AQP8: variants seen among roughly 807,000 people sequenced by gnomAD.
AQP8 encodes the protein aquaporin-8.
Under a neutral mutation model 26.1 loss-of-function variants are expected in AQP8, and 14 were observed. The ratio of observed to expected loss-of-function variants is 0.54; its 90% CI spans 0.35 to 0.84. The LOEUF (loss-of-function observed/expected upper bound fraction) is 0.84, where lower values mean the gene tolerates loss of function less well. Among genes scored for constraint, AQP8 ranks in the 40% least tolerant of loss-of-function variants. The pLI is 0.01. For missense variants in AQP8, 301 were observed against 340.5 expected (o/e 0.88, Z 0.91); for synonymous variants, 131 against 150.7 (o/e 0.87, Z 0.96).
Position 25,227,231 on chromosome 16 carries a change from C to T in AQP8, c.737+29C>T, listed in dbSNP as rs748860285. 6 of 1,613,214 alleles carry T rather than the reference C, an allele frequency of 3.7e-6. No homozygotes were observed. In the South Asian group the frequency reaches 6.6e-5, roughly 18 times the overall value. On this transcript the variant is annotated intron_variant, in intron 5 of 5. Transcript: ENST00000219660. ...GGAGTGTGACACAGGGTCACCGGCC[C>T]ATTGGATGGGCACTTGGCAACATCT...
At chr16:25,226,864 C>T (rs1199546941) in intron 4 of AQP8, among the ~76,000 whole-genome samples, 1 of 152,170 alleles carries the variant, frequency 6.6e-6, no homozygotes, top group Non-Finnish European at 1.5e-5. Flanking sequence ...TGCTGGACTG[C>T]ACGCCCAGCG....
chr16:25,221,968 A>G (rs1962568541), intron 3 of AQP8, among the ~76,000 whole-genome samples: 1 of 151,974 alleles, frequency 6.6e-6, no homozygotes, highest in Non-Finnish European at 1.5e-5. Context: ...GGGTTTCATC[A>G]TGTTGGCCAG....
At chr16:25,221,620 C>T (rs1243240107) in intron 3 of AQP8, 37 bp downstream of exon 3, 2 of 1,611,770 alleles carry the variant, frequency 1.2e-6, no homozygotes, top group Admixed American at 1.7e-5. Context: ...GTCTTCCTCT[C>T]TGATGGGGCT....
At chr16:25,228,402 C>T (rs1242004045) in intron 5 of AQP8, 42 bp from the exon 6 acceptor site, 1 of 1,608,364 alleles carries the variant, frequency 6.2e-7, no homozygotes, top group East Asian at 2.2e-5. Context: ...GGCTGGGTCT[C>T]ACCTCCGGGG....
At chr16:25,217,781 G>A (rs1962508680) in intron 2 of AQP8, among the ~76,000 whole-genome samples, 1 of 152,268 alleles carries the variant, frequency 6.6e-6, no homozygotes, top group South Asian at 2.1e-4. Flanking sequence ...TCCTGCCTTG[G>A]CTTCCCAAAG....
chr16:25,217,133 T>C lies in AQP8; in HGVS notation c.13-65T>C, dbSNP rs1180121343. On this transcript the variant is annotated intron_variant, in intron 1 of 5. Transcript: ENST00000219660. Reference sequence around the variant, plus strand: ...CTGTGAATTAATTCAAGGTTGGGGGTCGGGGCCTTCTATATCTGGACTTGC... The same window carrying C: ...CTGTGAATTAATTCAAGGTTGGGGGCCGGGGCCTTCTATATCTGGACTTGC... 5.6e-6 allele frequency: 9 copies of C among 1,613,002 alleles called. No homozygotes were observed. The Admixed American group carries it at 1.3e-4, about 24-fold the overall frequency.
chr16:25,225,785 G>A (rs1024745950), intron 4 of AQP8, among the ~76,000 whole-genome samples: 2 of 152,176 alleles, frequency 1.3e-5, no homozygotes, highest in Non-Finnish European at 2.9e-5. Context: ...GAGAGAATGG[G>A]GTAAAGACAG....
In AQP8 at chr16:25,225,994, C is replaced by T. The variant is rs554935094; in HGVS notation, c.603-1074C>T. 2.5e-4 allele frequency among the ~76,000 whole-genome samples: 38 copies of T among 152,336 alleles called. 1 individual carries two copies. The Middle Eastern group carries it at 0.01, about 41-fold the overall frequency. On this transcript the variant is annotated intron_variant, in intron 4 of 5. Coordinates refer to ENST00000219660, the MANE Select transcript of AQP8 (RefSeq NM_001169.3). ...TGACAACCTATGGGATAGTCACTTT[C>T]ACCTCACCTGAACACAGAGAGGTTC...
In AQP8 at chr16:25,228,577, TGCCAGGGCAGAG is replaced by T; in HGVS notation, c.*89_*100del. The T allele has an allele frequency of 6.7e-7, 1 of 1,492,102 alleles. No individual in the cohort carries two copies. Among genetic ancestry groups the T allele is most frequent in the Non-Finnish European group, 9.3e-7 (1 of 1,073,512 alleles). The allele number at this position is 1,492,102 out of a possible 1,614,324, so 92.4% of individuals were successfully genotyped here. ...AGGACAGGGGAGTTCCTGCATTTCC[TGCCAGGGCAGAG>T]GCCCAGAGGAGCGACCCCCTGCTTC... On this transcript the variant is annotated 3_prime_UTR_variant, in exon 6 of 6. Coordinates refer to ENST00000219660, the MANE Select transcript of AQP8 (RefSeq NM_001169.3).
At chr16:25,223,516 A>G (rs1464386006) in intron 3 of AQP8, among the ~76,000 whole-genome samples, 1 of 151,346 alleles carries the variant, frequency 6.6e-6, no homozygotes, top group African/African-American at 2.4e-5. Context: ...CCTGGGCAAC[A>G]TAGTAAGACC....
chr16:25,228,432 T>C lies in AQP8; in HGVS notation c.738-12T>C. On this transcript the variant is annotated splice_polypyrimidine_tract_variant and intron_variant, in intron 5 of 5. Coordinates refer to ENST00000219660, the MANE Select transcript of AQP8 (RefSeq NM_001169.3). ...CCGGGGCAGAGACCTTACTGGGTCATCTTTCTTGCAGGTGCTTCATTGGAG... is the reference window on the plus strand; with the variant it reads ...CCGGGGCAGAGACCTTACTGGGTCACCTTTCTTGCAGGTGCTTCATTGGAG... 2 of 1,613,862 alleles carry C rather than the reference T, an allele frequency of 1.2e-6. No individual in the cohort carries two copies. The highest frequency in any genetic ancestry group is 1.7e-6 in the Non-Finnish European group (2 of 1,179,858).
At chr16:25,221,335 G>A in intron 2 of AQP8, 122 bp from the exon 3 acceptor site, 2 of 1,215,806 alleles carry the variant, frequency 1.6e-6, no homozygotes, top group East Asian at 4.7e-5. Flanking sequence ...TTTGAGCTGG[G>A]CCCCGGACTG....
At chr16:25,225,233 G>A (rs1057380376) in intron 4 of AQP8, among the ~76,000 whole-genome samples, 2 of 152,126 alleles carry the variant, frequency 1.3e-5, no homozygotes, top group East Asian at 1.9e-4. Context: ...ATCCTCCTGC[G>A]TTGGCCTCTC....
rs547860761 is a variant in AQP8, at chr16:25,223,063, C to T, written c.388-1299C>T. Among the ~76,000 whole-genome samples the T allele has an allele frequency of 6.6e-5, 10 of 152,398 alleles. No homozygotes were observed. The South Asian group carries it at 1.0e-3, about 16-fold the overall frequency. On this transcript the variant is annotated intron_variant, in intron 3 of 5. Transcript: ENST00000219660. ...AAAACCATAGTCAGTTCATAGAGAGCGCTTACCTTGTGCCAGGCACACCAA... is the reference window on the plus strand; with the variant it reads ...AAAACCATAGTCAGTTCATAGAGAGTGCTTACCTTGTGCCAGGCACACCAA...
intron 2 of AQP8, among the ~76,000 whole-genome samples, chr16:25,220,776 C>A (rs547537434): frequency 1.8e-4 from 27 of 152,344 alleles, no homozygotes; most frequent in African/African-American, 5.8e-4. Context: ...CCGGGCCGGG[C>A]ACGGTAGCTC....
At chr16:25,222,072 T>A (rs1366105345) in intron 3 of AQP8, among the ~76,000 whole-genome samples, 1 of 149,468 alleles carries the variant, frequency 6.7e-6, no homozygotes, top group African/African-American at 2.5e-5. Flanking sequence ...CCGGCCTCTC[T>A]TTTTTATTTT....
At chr16:25,227,248 G>A (rs774218168) in intron 5 of AQP8, 46 bp downstream of exon 5, 9 of 1,611,918 alleles carry the variant, frequency 5.6e-6, no homozygotes. Context: ...TGGGCACTTG[G>A]CAACATCTCC....
At chr16:25,221,203 C>T (rs567517063) in intron 2 of AQP8, among the ~76,000 whole-genome samples, 1 of 152,242 alleles carries the variant, frequency 6.6e-6, no homozygotes, top group South Asian at 2.1e-4. Flanking sequence ...GATGGTCTCC[C>T]TACACGCTCT....
chr16:25,223,357 C>T (rs977478931), intron 3 of AQP8, among the ~76,000 whole-genome samples: 1 of 152,220 alleles, frequency 6.6e-6, no homozygotes, highest in Non-Finnish European at 1.5e-5. Flanking sequence ...CCTGTGGGGG[C>T]TTAGCAATGA....
Sources: allele counts gnomAD v4.1 joint callset (sites outside exome capture counted in the v4.1 genomes callset), GRCh38; gene constraint gnomAD v4.1.1; transcripts MANE v1.5; gene names NCBI Gene and HGNC (gene_info 2026-07-23, HGNC 2026-07-21).